The following CD244 variants were observed in gnomAD, a reference collection of about 807,000 sequenced individuals.
CD244 encodes CD244 molecule, also known as natural killer cell receptor 2B4.
In CD244, 20 loss-of-function variants were observed where a neutral mutation model predicts 45.5. The ratio of observed to expected loss-of-function variants is 0.44; its 90% CI spans 0.31 to 0.64. CD244 has a LOEUF of 0.64. CD244 is among the 30% of genes least tolerant of loss of function. CD244 has a pLI of 0.08. For missense variants in CD244, 407 were observed against 426.9 expected, an observed-to-expected ratio of 0.95 and a Z score of 0.41; for synonymous variants, 185 against 160.5, an observed-to-expected ratio of 1.15 and a Z score of -1.15.
intron 1 of CD244, among the ~76,000 whole-genome samples, chr1:160,854,548 A>AGGC (rs1670036295): frequency 7.7e-6 from 1 of 130,258 alleles, no homozygotes; most frequent in South Asian, 2.5e-4. Context: ...ACCCCCAGCT[A>AGGC]TTCTTTTTTT....
chr1:160,836,517 C>A (rs750107701), intron 5 of CD244, among the ~76,000 whole-genome samples: 2 of 152,200 alleles, frequency 1.3e-5, no homozygotes, highest in African/African-American at 2.4e-5. Context: ...AATGCTGTCA[C>A]TTTCTTTCCT....
chr1:160,848,190 T>C (rs1669801374), intron 1 of CD244: 1 of 521,048 alleles, frequency 1.9e-6, no homozygotes, highest in Non-Finnish European at 3.8e-6. Flanking sequence ...GCAGAATTTA[T>C]GTGCCAGGAT....
At chr1:160,844,803 C>T (rs1009353143) in intron 1 of CD244, among the ~76,000 whole-genome samples, 2 of 151,958 alleles carry the variant, frequency 1.3e-5, no homozygotes, top group African/African-American at 4.8e-5. Context: ...GGTAAAACCT[C>T]GTCTCTACTA....
At chr1:160,843,886 C>T (rs539725612) in intron 1 of CD244, among the ~76,000 whole-genome samples, 1 of 152,280 alleles carries the variant, frequency 6.6e-6, no homozygotes, top group Non-Finnish European at 1.5e-5. Context: ...GAGCAGAGCT[C>T]ACAATAAAAC....
intron 1 of CD244, among the ~76,000 whole-genome samples, chr1:160,846,611 AGC>A (rs1351095287): frequency 6.6e-6 from 1 of 152,216 alleles, no homozygotes; most frequent in Non-Finnish European, 1.5e-5. Context: ...GGCTGCAGCG[AGC>A]CAAGATGGTG....
Position 160,862,782 on chromosome 1 carries a change from A to G in CD244, c.-105T>C. The G allele has an allele frequency of 1.1e-6, 1 of 950,614 alleles. No homozygotes were observed. The highest frequency in any genetic ancestry group is 1.6e-5 in the South Asian group (1 of 64,480). The allele number at this position is 950,614 out of a possible 1,614,324, so 58.9% of individuals were successfully genotyped here. ...CAGCAAGAGGACGATGGGGAGCAGA[A>G]CTGCCTTGCAACCTGTCCAGCCACA... On this transcript the variant is annotated 5_prime_UTR_variant, in exon 1 of 9. Transcript: ENST00000368034.
At chr1:160,854,128 CAT>C (rs1670020604) in intron 1 of CD244, among the ~76,000 whole-genome samples, 1 of 152,170 alleles carries the variant, frequency 6.6e-6, no homozygotes, top group Non-Finnish European at 1.5e-5. Context: ...GGTGATGGAA[CAT>C]GAGTTTAATT....
chr1:160,832,268 C>CTAGTTTAAAA (rs1370972800), intron 8 of CD244, among the ~76,000 whole-genome samples: 101 of 152,268 alleles, frequency 6.6e-4, no homozygotes, highest in African/African-American at 2.2e-3. Context: ...TCGGGGACGG[C>CTAGTTTAAAA]CCTAATTTAA....
intron 4 of CD244, 53 bp from the exon 5 acceptor site, chr1:160,838,571 T>C: frequency 1.5e-6 from 2 of 1,324,842 alleles, no homozygotes; most frequent in South Asian, 2.3e-5. Context: ...CAGAAGGGCT[T>C]TTGCTTCTAA....
chr1:160,862,582 C>T, intron 1 of CD244, 35 bp downstream of exon 1: 2 of 1,598,416 alleles, frequency 1.3e-6, no homozygotes, highest in South Asian at 2.2e-5. Flanking sequence ...GCTCCTAGTC[C>T]CTCCCTCGCC....
intron 1 of CD244, among the ~76,000 whole-genome samples, chr1:160,851,822 C>A (rs1461760252): frequency 6.6e-6 from 1 of 152,132 alleles, no homozygotes; most frequent in East Asian, 1.9e-4. Flanking sequence ...AGATTACAGG[C>A]ATGAGCCACT....
At position 160,834,092 on chromosome 1, in the gene CD244, G is replaced by T. The variant is rs753192895; in HGVS notation, c.919C>A (p.Pro307Thr). The T allele has an allele frequency of 6.2e-7, 1 of 1,611,448 alleles. No individual in the cohort carries two copies. Among genetic ancestry groups the T allele is most frequent in the Non-Finnish European group, 8.5e-7 (1 of 1,177,572 alleles). Residue 307 changes from proline to threonine, a missense_variant, in exon 7 of 9, where the codon CCT becomes ACT. Pro to Thr is a conservative substitution (Grantham distance 38). Coordinates refer to ENST00000368034, the MANE Select transcript of CD244 (RefSeq NM_016382.4). ...ATTAATGAATATAATGTATATGCAG[G>T]TTCTTGTGACGTGGGAGCAGAAGAC... ...SQSSAPTSQE[P>T]AYTLYSLIQP...
intron 1 of CD244, among the ~76,000 whole-genome samples, chr1:160,848,976 G>A (rs187407821): frequency 3.3e-5 from 5 of 152,338 alleles, no homozygotes; most frequent in Admixed American, 1.3e-4. Context: ...TGGTTGGTCC[G>A]AAGTTCTGGA....
chr1:160,842,064 T>A (rs1326274404), intron 1 of CD244, among the ~76,000 whole-genome samples, 163 bp from the exon 2 acceptor site: 8 of 152,186 alleles, frequency 5.3e-5, no homozygotes, highest in Admixed American at 5.2e-4. Context: ...TGCCTCCCCT[T>A]GTCCCCAAGC....
At chr1:160,832,695 C>T in intron 7 of CD244, 120 bp from the exon 8 acceptor site, 1 of 1,542,000 alleles carries the variant, frequency 6.5e-7, no homozygotes. Context: ...CACTCTCAGC[C>T]AGAAAATGAA....
In CD244 at chr1:160,833,932, C is replaced by G. The variant is rs1282175867; in HGVS notation, c.960+119G>C. On this transcript the variant is annotated intron_variant, in intron 7 of 8. Transcript: ENST00000368034. ...ATACAGTCATTTAACAGAAGCTACT[C>G]AGATACACACAATAAAGAACAACTT... 1.7e-5 allele frequency: 12 copies of G among 698,198 alleles called. No homozygotes were observed. The Admixed American group carries it at 2.7e-4, about 16-fold the overall frequency. 43.3% of individuals were successfully genotyped at this position (698,198 alleles called of 1,614,324 possible).
intron 1 of CD244, chr1:160,848,154 A>T (rs1479702114): frequency 2.1e-6 from 1 of 477,224 alleles, no homozygotes; most frequent in African/African-American, 2.0e-5. Flanking sequence ...TTTGGTTACA[A>T]GAGCTCCTGC....
chr1:160,832,883 TATATACACACACAC>T (rs1437970992), intron 7 of CD244, among the ~76,000 whole-genome samples: 1 of 149,230 alleles, frequency 6.7e-6, no homozygotes, highest in Non-Finnish European at 1.5e-5. Context: ...TATATATATA[TATATACACACACAC>T]ATATATATAC....
rs377583234 is a variant in CD244, at chr1:160,839,067, C to A, written c.656-18G>T. On this transcript the variant is annotated intron_variant, in intron 3 of 8. Transcript: ENST00000368034. Reference sequence around the variant, plus strand: ...TCTGAATTCTGAGGAATACAGAAGGCGTGAGAACTGAGCTGTCAGCTCGCT... The same window carrying A: ...TCTGAATTCTGAGGAATACAGAAGGAGTGAGAACTGAGCTGTCAGCTCGCT... 10 of 1,567,680 alleles carry A rather than the reference C, an allele frequency of 6.4e-6. No homozygotes were observed. The highest frequency in any genetic ancestry group is 1.4e-5 in the African/African-American group (1 of 73,978).
Sources: allele counts gnomAD v4.1 joint callset (sites outside exome capture counted in the v4.1 genomes callset), GRCh38; gene constraint gnomAD v4.1.1; transcripts MANE v1.5; gene names NCBI Gene and HGNC (gene_info 2026-07-23, HGNC 2026-07-21).